The following VPS13D variants were observed in gnomAD, a reference collection of about 807,000 sequenced individuals.
VPS13D encodes vacuolar protein sorting 13 homolog D.
VPS13D carries 187 observed loss-of-function variants against 461.9 expected under a neutral mutation model. The ratio of observed to expected loss-of-function variants is 0.40; its 90% confidence interval spans 0.36 to 0.46. The LOEUF (loss-of-function observed/expected upper bound fraction) is 0.46, where lower values mean the gene tolerates loss of function less well. Ranked by LOEUF, VPS13D falls within the 20% of genes least tolerant of loss-of-function variation. The probability of loss-of-function intolerance (pLI) is 0.60; values close to 1 mark genes in which losing one functional copy is unlikely to be tolerated. For synonymous variants in VPS13D, 1,951 were observed against 1,986.3 expected, an observed-to-expected ratio of 0.98 and a Z score of 0.47; for missense variants, 4,711 against 5,364.9, an observed-to-expected ratio of 0.88 and a Z score of 3.81.
intron 67 of VPS13D, among the ~76,000 whole-genome samples, chr1:12,468,773 C>T (rs1395076159): frequency 6.6e-6 from 1 of 152,196 alleles, no homozygotes; most frequent in African/African-American, 2.4e-5. Flanking sequence ...TGGCTCACGC[C>T]TGTAATCCCA....
intron 65 of VPS13D, among the ~76,000 whole-genome samples, chr1:12,427,835 C>T (rs567846028): frequency 3.9e-5 from 6 of 152,222 alleles, no homozygotes; most frequent in African/African-American, 1.4e-4. Context: ...TTTCCAATGC[C>T]AGTGTTGTCT....
rs1570064075 is a variant in VPS13D at position 12,386,285 on chromosome 1, C to T, written c.11585C>T (p.Thr3862Ile). 1 of 1,612,764 alleles carries T rather than the reference C, an allele frequency of 6.2e-7. No homozygotes were observed. Residue 3862 changes from threonine (T) to isoleucine (I), a missense_variant, in exon 60 of 70, where the codon ACA (threonine) becomes ATA (isoleucine). Transcript: ENST00000620676. ...ASLTGINVHY[T>I]QLATSHMLEL... ...CTTACAGGAATCAATGTGCACTATA[C>T]ACAGCTGGCAACCAGTCACATGCTT...
rs148320250 is a variant in VPS13D, at chr1:12,291,029, G to T, written c.5757G>T (p.Gly1919=). Residue 1919 remains glycine (G), a synonymous_variant, in exon 23 of 70, where the codon GGG becomes GGT. Coordinates refer to ENST00000620676, the MANE Select transcript of VPS13D (RefSeq NM_015378.4). ...ACCTGGCCTTACAGGGCAGCATTGG[G>T]AGTCTGTCTCTAAGTGACCTCACAT... ...EGDLALQGSI[G]SLSLSDLTCH... is the part of the protein sequence containing the mutation. 9.3e-6 allele frequency: 15 copies of T among 1,613,910 alleles called. No individual in the cohort carries two copies. Among genetic ancestry groups the T allele is most frequent in the Non-Finnish European group, 1.3e-5 (15 of 1,179,942 alleles).
At chr1:12,444,093 C>G (rs578198867) in intron 65 of VPS13D, among the ~76,000 whole-genome samples, 1 of 152,262 alleles carries the variant, frequency 6.6e-6, no homozygotes, top group African/African-American at 2.4e-5. Context: ...GATCCGCCCG[C>G]CCATCCCAAA....
At chr1:12,269,978 C>G (rs1216172538) in intron 16 of VPS13D, among the ~76,000 whole-genome samples, 2 of 152,052 alleles carry the variant, frequency 1.3e-5, no homozygotes, top group Non-Finnish European at 2.9e-5. Flanking sequence ...GAGACCTCAT[C>G]TCTACTAAAA....
chr1:12,398,629 T>C (rs984059305), intron 60 of VPS13D, among the ~76,000 whole-genome samples: 2 of 152,190 alleles, frequency 1.3e-5, no homozygotes, highest in African/African-American at 2.4e-5. Context: ...GCAAGGAGCC[T>C]CTAGACATCC....
chr1:12,352,500 GAA>G (rs918683964), intron 46 of VPS13D, among the ~76,000 whole-genome samples: 8 of 152,146 alleles, frequency 5.3e-5, no homozygotes, highest in African/African-American at 1.9e-4. Flanking sequence ...ATTCACTAGG[GAA>G]ATGCATACAG....
At chr1:12,429,977 G>A (rs966261817) in intron 65 of VPS13D, among the ~76,000 whole-genome samples, 1 of 152,198 alleles carries the variant, frequency 6.6e-6, no homozygotes, top group African/African-American at 2.4e-5. Context: ...CCTGCAAGCT[G>A]TTGAATTTAT....
rs776341725 is a variant in VPS13D at position 12,379,491 on chromosome 1, C to T, written c.11085C>T (p.Tyr3695=). The change falls in exon 57 of 70, where the codon TAC becomes TAT. Residue 3695 remains tyrosine (Y), a synonymous_variant. Coordinates refer to ENST00000620676, the MANE Select transcript of VPS13D (RefSeq NM_015378.4). ...CATTGTGTATTCCGTTTTCCAGATA[C>T]GAGCCACTGATGCTGAGAAAGCCTG... is the stretch of plus-strand genomic sequence containing the variant. ...AGLAAVTDNR[Y]EPLMLRKPDR... The T allele has an allele frequency of 8.7e-6, 14 of 1,611,826 alleles. No homozygotes were observed. The East Asian group carries it at 8.9e-5, about 10-fold the overall frequency.
intron 47 of VPS13D, 55 bp downstream of exon 47, chr1:12,354,276 T>G (rs1290704051): frequency 6.3e-7 from 1 of 1,587,446 alleles, no homozygotes. Context: ...TATCAATGAG[T>G]ATTTTGTGAT....
chr1:12,245,666 G>T (rs1640527453), intron 5 of VPS13D, among the ~76,000 whole-genome samples: 1 of 152,116 alleles, frequency 6.6e-6, no homozygotes, highest in Non-Finnish European at 1.5e-5. Flanking sequence ...GGGCTGCAAG[G>T]CTGTAGTGAG....
At chr1:12,244,723 A>G in intron 5 of VPS13D, 106 bp downstream of exon 5, 1 of 1,100,202 alleles carries the variant, frequency 9.1e-7, no homozygotes, top group Non-Finnish European at 1.3e-6. Flanking sequence ...CAGCTGATCT[A>G]GGGTGTAGAT....
chr1:12,365,438 G>T (rs987766237), intron 52 of VPS13D, among the ~76,000 whole-genome samples: 6 of 152,184 alleles, frequency 3.9e-5, no homozygotes, highest in Admixed American at 3.3e-4. Context: ...GGGCATGGTG[G>T]CTCACGCCTG....
intron 23 of VPS13D, among the ~76,000 whole-genome samples, chr1:12,291,591 C>G (rs1433159041): frequency 3.3e-5 from 5 of 152,144 alleles, no homozygotes; most frequent in African/African-American, 9.7e-5. Flanking sequence ...CTACTGCACT[C>G]CAGCCTGGGT....
Position 12,356,295 on chromosome 1 carries a change from G to A in VPS13D, c.9872-103G>A, listed in dbSNP as rs563272219. The A allele has an allele frequency of 1.6e-5, 23 of 1,458,762 alleles. No homozygotes were observed. In the East Asian group the frequency reaches 3.2e-4, roughly 20 times the overall value. 90.4% of individuals were successfully genotyped at this position (1,458,762 alleles called of 1,614,324 possible). A position where few individuals can be genotyped will look rare whatever the true frequency, so the allele number is the denominator to read the frequency against. ...AAACTGAGCCCACTAAATAGATTCA[G>A]TTTTCACTCTTTTCCCGCTTGATGG... On this transcript the variant is annotated intron_variant, in intron 48 of 69. Coordinates refer to ENST00000620676, the MANE Select transcript of VPS13D (RefSeq NM_015378.4).
chr1:12,477,400 C>G (rs761407377), intron 67 of VPS13D, among the ~76,000 whole-genome samples: 1 of 152,166 alleles, frequency 6.6e-6, no homozygotes, highest in Admixed American at 6.5e-5. Context: ...CACAACAGCT[C>G]GATGTGACAA....
At chr1:12,370,010 AACTG>A (rs1644094682) in intron 54 of VPS13D, among the ~76,000 whole-genome samples, 1 of 152,118 alleles carries the variant, frequency 6.6e-6, no homozygotes, top group Non-Finnish European at 1.5e-5. Context: ...CCTCTTTTGA[AACTG>A]ACTAATCTTC....
chr1:12,482,806 A>G (rs1037828725), intron 67 of VPS13D, among the ~76,000 whole-genome samples: 1 of 150,284 alleles, frequency 6.7e-6, no homozygotes, highest in Non-Finnish European at 1.5e-5. Flanking sequence ...ATATACTAGT[A>G]TATATATATG....
chr1:12,260,029 T>G (rs1038583068), intron 10 of VPS13D, among the ~76,000 whole-genome samples: 3 of 97,594 alleles, frequency 3.1e-5, no homozygotes, highest in African/African-American at 2.4e-4. Context: ...TTTTTTTTTT[T>G]TTTTTTTTTT....
Sources: allele counts gnomAD v4.1 joint callset (sites outside exome capture counted in the v4.1 genomes callset), GRCh38; gene constraint gnomAD v4.1.1; transcripts MANE v1.5; gene names NCBI Gene and HGNC (gene_info 2026-07-23, HGNC 2026-07-21).